The following ADAR variants were observed in gnomAD, a reference collection of about 807,000 sequenced individuals.
ADAR encodes the protein double-stranded RNA-specific adenosine deaminase.
ADAR carries 41 observed loss-of-function variants against 113.2 expected under a neutral mutation model. That is an observed-to-expected ratio of 0.36 (90% CI 0.28 to 0.47). ADAR has a LOEUF of 0.47. Ranked by LOEUF, ADAR falls within the 20% of genes least tolerant of loss-of-function variation. The pLI, the probability that ADAR is intolerant of heterozygous loss-of-function variation, is 1.00. For synonymous variants in ADAR, 605 were observed against 572.6 expected (o/e 1.06, Z -0.81); for missense variants, 1,242 against 1,540.9 (o/e 0.81, Z 3.25).
chr1:154,625,802 C>T (rs1472478989), intron 1 of ADAR, among the ~76,000 whole-genome samples: 7 of 152,154 alleles, frequency 4.6e-5, no homozygotes, highest in East Asian at 1.9e-4. Flanking sequence ...GTCAGGAGTT[C>T]GAGACCAGCC....
chr1:154,624,942 G>A (rs1698892204), intron 1 of ADAR, among the ~76,000 whole-genome samples: 1 of 152,214 alleles, frequency 6.6e-6, no homozygotes, highest in African/African-American at 2.4e-5. Flanking sequence ...ATTACAGTGT[G>A]TTATAGTATA....
intron 1 of ADAR, among the ~76,000 whole-genome samples, chr1:154,623,913 G>T (rs2101703828): frequency 6.6e-6 from 1 of 151,954 alleles, no homozygotes; most frequent in Non-Finnish European, 1.5e-5. Context: ...TGAGGCAGGA[G>T]AATCACTTGA....
intron 2 of ADAR, 22 bp from the exon 3 acceptor site, chr1:154,598,607 G>T (rs1445970671): frequency 6.2e-7 from 1 of 1,612,500 alleles, no homozygotes; most frequent in African/African-American, 1.3e-5. Context: ...GTGATTAGAT[G>T]TGTGAACAGG....
intron 2 of ADAR, 101 bp from the exon 3 acceptor site, chr1:154,598,686 G>A (rs1034637728): frequency 1.7e-6 from 2 of 1,170,916 alleles, no homozygotes; most frequent in Admixed American, 4.3e-5. Flanking sequence ...ACGCTAAGGG[G>A]CTTTTCACTT....
intron 1 of ADAR, among the ~76,000 whole-genome samples, chr1:154,623,339 G>T (rs1183400958): frequency 6.6e-6 from 1 of 152,184 alleles, no homozygotes; most frequent in East Asian, 1.9e-4. Flanking sequence ...CATAATGGAT[G>T]CCACAGTGGG....
chr1:154,608,760 G>A (rs1698365944), upstream of ADAR: 1 of 133,938 alleles, frequency 7.5e-6, no homozygotes. Context: ...CCTCAGGCCA[G>A]AAACAGCATG....
In ADAR at chr1:154,601,830, T is replaced by A; in HGVS notation, c.812A>T (p.Asn271Ile). ...TTCAGGTTCCAAACCTGGGTCTGAGTTTGGGGATCCTTGGCTATGACTGTC... is the reference window on the plus strand; with the variant it reads ...TTCAGGTTCCAAACCTGGGTCTGAGATTGGGGATCCTTGGCTATGACTGTC... Reference protein sequence around the residue: ...RPDSHSQGSPNSDPGLEPEDS... With the variant: ...RPDSHSQGSPISDPGLEPEDS... The change falls in exon 2 of 15, where the codon AAC (asparagine) becomes ATC (isoleucine). Residue 271 changes from asparagine (N) to isoleucine (I), a missense_variant. Asn to Ile is a moderately radical substitution (Grantham distance 149). Around this residue, in one of 2 missense-constraint regions of ADAR, gnomAD observed 462 missense variants for 483.1 expected, o/e 0.96. Transcript: ENST00000368474. This position sits in a 1 kb window ranked among gnomAD's most constrained non-coding sequence, Gnocchi z 4.7. 1.2e-6 allele frequency: 2 copies of A among 1,614,200 alleles called. No homozygotes were observed. The highest frequency in any genetic ancestry group is 1.7e-6 in the Non-Finnish European group (2 of 1,180,038).
At chr1:154,613,258 T>C (rs1215632070) in intron 1 of ADAR, among the ~76,000 whole-genome samples, 1 of 151,224 alleles carries the variant, frequency 6.6e-6, no homozygotes, top group Non-Finnish European at 1.5e-5. Context: ...ATATATTCTA[T>C]TGATGTTAAT....
chr1:154,610,429 A>T (rs1005360529), upstream of ADAR, among the ~76,000 whole-genome samples: 6 of 152,220 alleles, frequency 3.9e-5, no homozygotes, highest in Admixed American at 1.3e-4. Flanking sequence ...TATGATACTG[A>T]GTGGGAAAAG....
chr1:154,622,177 A>G (rs1189215887), intron 1 of ADAR, among the ~76,000 whole-genome samples: 1 of 152,154 alleles, frequency 6.6e-6, no homozygotes, highest in Admixed American at 6.5e-5. Flanking sequence ...GCTCTGCCAC[A>G]TATCCTGCGG....
At chr1:154,613,354 G>T (rs920595859) in intron 1 of ADAR, among the ~76,000 whole-genome samples, 4 of 130,924 alleles carry the variant, frequency 3.1e-5, no homozygotes, top group Non-Finnish European at 6.5e-5. Flanking sequence ...GCATGATCTC[G>T]GCTCACTGCA....
At chr1:154,598,687 C>T (rs1216710971) in intron 2 of ADAR, 102 bp from the exon 3 acceptor site, 4 of 1,159,668 alleles carry the variant, frequency 3.4e-6, no homozygotes, top group Non-Finnish European at 4.8e-6. Context: ...CGCTAAGGGG[C>T]TTTTCACTTG....
At chr1:154,590,652 C>G (rs573214203) in intron 6 of ADAR, among the ~76,000 whole-genome samples, 64 of 152,192 alleles carry the variant, frequency 4.2e-4, no homozygotes, top group African/African-American at 1.4e-3. Context: ...TTCTTAGAGC[C>G]AGCCATTGTG....
At chr1:154,606,124 C>T (rs1002145064) in intron 1 of ADAR, 3 of 180,388 alleles carry the variant, frequency 1.7e-5, no homozygotes, top group African/African-American at 7.1e-5. Context: ...TCACTGCAAT[C>T]TCCGCCTCCC....
At chr1:154,623,658 G>A (rs1203422804) in intron 1 of ADAR, among the ~76,000 whole-genome samples, 1 of 152,156 alleles carries the variant, frequency 6.6e-6, no homozygotes, top group Non-Finnish European at 1.5e-5. Flanking sequence ...ACAGCCATCA[G>A]GTCATAGGCT....
intron 11 of ADAR, among the ~76,000 whole-genome samples, chr1:154,587,065 T>G (rs993582253): frequency 1.3e-5 from 2 of 152,226 alleles, no homozygotes; most frequent in African/African-American, 4.8e-5. Context: ...GTTCTGCAAC[T>G]GTCACCACAG....
chr1:154,585,371 A>C, intron 13 of ADAR, 27 bp from the exon 14 acceptor site: 1 of 1,613,980 alleles, frequency 6.2e-7, no homozygotes, highest in Non-Finnish European at 8.5e-7. Context: ...CAACGGGAGA[A>C]AGATGGAAAC....
chr1:154,592,282 C>T lies in ADAR; in HGVS notation c.2271-1873G>A, dbSNP rs570707840. Among the ~76,000 whole-genome samples, 26 of 152,276 alleles carry T rather than the reference C, an allele frequency of 1.7e-4. No homozygotes were observed. The East Asian group carries it at 4.8e-3, about 28-fold the overall frequency. ...CAGTACTTCTTGGGGAAGCCCTTCCCCCTCTCCTTCCTAAGTCAAACTGTG... is the reference window on the plus strand; with the variant it reads ...CAGTACTTCTTGGGGAAGCCCTTCCTCCTCTCCTTCCTAAGTCAAACTGTG... On this transcript the variant is annotated intron_variant, in intron 6 of 14. Transcript: ENST00000368474.
chr1:154,603,790 T>A (rs985471018), intron 1 of ADAR, among the ~76,000 whole-genome samples: 16 of 152,008 alleles, frequency 1.1e-4, no homozygotes, highest in Non-Finnish European at 2.4e-4. Flanking sequence ...CTGACAACAT[T>A]TACTCACACT....
Sources: allele counts gnomAD v4.1 joint callset (sites outside exome capture counted in the v4.1 genomes callset), GRCh38; gene constraint gnomAD v4.1.1; regional missense constraint gnomAD v4.1.1; non-coding constraint Gnocchi (gnomAD v3.1); transcripts MANE v1.5; gene names NCBI Gene and HGNC (gene_info 2026-07-23, HGNC 2026-07-21).